FAM47C: variants seen among roughly 807,000 people sequenced by gnomAD.
The protein encoded by FAM47C is putative protein FAM47C.
For missense variants in FAM47C, 847 were observed against 879.9 expected, an observed-to-expected ratio of 0.96 and a Z score of 0.47; for synonymous variants, 307 against 346.5, an observed-to-expected ratio of 0.89 and a Z score of 1.27.
At position 37,008,719 on chromosome X, in the gene FAM47C, G is replaced by A. The variant is rs140170835; in HGVS notation, c.309G>A (p.Leu103=). 10 of 1,212,216 alleles carry A rather than the reference G, an allele frequency of 8.2e-6. No individual in the cohort carries two copies. The highest frequency in any genetic ancestry group is 1.8e-5 in the South Asian group (1 of 57,028). Residue 103 remains leucine (L), a synonymous_variant, in exon 1 of 1, where the codon CTG becomes CTA. Transcript: ENST00000358047. ...RKKKLLKKAA[L]FSKLSPAQPA... is the part of the protein sequence containing the mutation. ...AAAAGCTGCTCAAGAAAGCGGCCCT[G>A]TTTTCCAAGCTCTCGCCAGCACAGC...
chrX:37,011,115 A>G lies in FAM47C; in HGVS notation c.2705A>G (p.Glu902Gly). The stretch of plus-strand genomic sequence containing the variant: ...TCCTCAGGGCTGAAGTACAGCATGG[A>G]GCTAGACGAAATGGATGAGGTCAAA... ...ECSSGLKYSM[E>G]LDEMDEVKFF... is the part of the protein sequence containing the mutation. The change falls in exon 1 of 1, where the codon GAG becomes GGG. Residue 902 changes from glutamate to glycine, a missense_variant. Transcript: ENST00000358047. 1 of 1,211,680 alleles carries G rather than the reference A, an allele frequency of 8.3e-7. No homozygotes were observed. Among genetic ancestry groups the G allele is most frequent in the Non-Finnish European group, 1.1e-6 (1 of 895,492 alleles).
rs782501923 is a variant in FAM47C at position 37,010,882 on chromosome X, A to C, written c.2472A>C (p.Leu824=). Residue 824 remains leucine (L), a synonymous_variant, in exon 1 of 1, where the codon CTA becomes CTC. Coordinates refer to ENST00000358047, the MANE Select transcript of FAM47C (RefSeq NM_001013736.3). Reference sequence around the variant, plus strand: ...CTACCAAGACCGGAGCGTCCCATCTAAAAGAACTGTTTCAGGAAGGTACAT... The same window carrying C: ...CTACCAAGACCGGAGCGTCCCATCTCAAAGAACTGTTTCAGGAAGGTACAT... The part of the protein sequence containing the change: ...PEPTKTGASH[L]KELFQEGTSS... 8.3e-7 allele frequency: 1 copy of C among 1,210,281 alleles called. No homozygotes were observed.
rs1556332350 is a variant in FAM47C at position 37,009,788 on chromosome X, T to A, written c.1378T>A (p.Ser460Thr). 8.3e-7 allele frequency: 1 copy of A among 1,203,780 alleles called. No homozygotes were observed. Among genetic ancestry groups the A allele is most frequent in the Admixed American group, 2.2e-5 (1 of 45,343 alleles). The change falls in exon 1 of 1, where the codon TCC becomes ACC. Residue 460 changes from serine to threonine, a missense_variant. Coordinates refer to ENST00000358047, the MANE Select transcript of FAM47C (RefSeq NM_001013736.3). ...CCCAGAGCCTCCCAAGACTCGGGTG[T>A]CCAGTCTCCACCTGGAGCCTCCTGA... is the stretch of plus-strand genomic sequence containing the variant. ...LRPEPPKTRVSSLHLEPPETG... is the reference protein window; with the variant it reads ...LRPEPPKTRVTSLHLEPPETG...
At position 37,011,501 on chromosome X, in the gene FAM47C, G is replaced by A. The variant is rs1927802085; in HGVS notation, c.3091G>A (p.Ala1031Thr). ...VYKYKEDVTDASEED is the reference protein window; with the variant it reads ...VYKYKEDVTDTSEED Reference sequence around the variant, plus strand: ...CAAGTACAAAGAAGACGTCACAGATGCATCGGAAGAAGATTAGATGGTTTT... The same window carrying A: ...CAAGTACAAAGAAGACGTCACAGATACATCGGAAGAAGATTAGATGGTTTT... Residue 1031 changes from alanine (A) to threonine (T), a missense_variant, in exon 1 of 1, where the codon GCA (alanine) becomes ACA (threonine). Coordinates refer to ENST00000358047, the MANE Select transcript of FAM47C (RefSeq NM_001013736.3). The A allele has an allele frequency of 6.7e-6, 8 of 1,187,005 alleles. No individual in the cohort carries two copies. The highest frequency in any genetic ancestry group is 7.9e-6 in the Non-Finnish European group (7 of 882,426).
Position 37,008,962 on chromosome X carries a change from G to A in FAM47C, c.552G>A (p.Gly184=), listed in dbSNP as rs61730915. ...EPTEPGKYPC[G]EFSPRPPETR... ...CGGAGCCTGGTAAATACCCCTGTGGGGAATTCTCCCCTCGGCCTCCCGAGA... is the reference window on the plus strand; with the variant it reads ...CGGAGCCTGGTAAATACCCCTGTGGAGAATTCTCCCCTCGGCCTCCCGAGA... The change falls in exon 1 of 1, where the codon GGG becomes GGA. Residue 184 remains glycine (G), a synonymous_variant. Transcript: ENST00000358047. 0.01 allele frequency: 12,401 copies of A among 1,209,898 alleles called. 51 individuals are homozygous for A. Among genetic ancestry groups the A allele is most frequent in the Middle Eastern group, 0.037 (161 of 4,347 alleles).
Position 37,010,035 on chromosome X carries a change from G to A in FAM47C, c.1625G>A (p.Ser542Asn), listed in dbSNP as rs1556332619. The A allele has an allele frequency of 8.4e-7, 1 of 1,192,397 alleles. No homozygotes were observed. Residue 542 changes from serine to asparagine, a missense_variant, in exon 1 of 1, where the codon AGC becomes AAC. By Grantham distance (46) the Ser-to-Asn change is conservative (BLOSUM62 1). Transcript: ENST00000358047. Reference protein sequence around the residue: ...SSLHQAPPESSVSHLRPEPPE... With the variant: ...SSLHQAPPESNVSHLRPEPPE... The stretch of plus-strand genomic sequence containing the variant: ...CTCCACCAGGCACCTCCTGAGAGTA[G>A]CGTATCTCATCTCCGCCCAGAGCCT...
Position 37,009,826 on chromosome X carries a change from C to G in FAM47C, c.1416C>G (p.Ser472=), listed in dbSNP as rs1305190277. ...LHLEPPETGV[S]HLCPEPPEKD... is the part of the protein sequence containing the mutation. ...TGGAGCCTCCTGAGACTGGAGTGTC[C>G]CATCTCTGCCCGGAGCCTCCAGAGA... The change falls in exon 1 of 1, where the codon TCC becomes TCG. Residue 472 remains serine, a synonymous_variant. Transcript: ENST00000358047. The G allele has an allele frequency of 2.5e-6, 3 of 1,199,203 alleles. No individual in the cohort carries two copies. The highest frequency in any genetic ancestry group is 3.4e-6 in the Non-Finnish European group (3 of 891,095).
In FAM47C at chrX:37,010,698, G is replaced by T; in HGVS notation, c.2288G>T (p.Arg763Leu). Residue 763 changes from arginine (R) to leucine (L), a missense_variant, in exon 1 of 1, where the codon CGC (arginine) becomes CTC (leucine). Transcript: ENST00000358047. ...CTTGAGACTCGCGTATCTCATCTCCGCCCGGAGCCTCCTGAGACTGGAGTG... is the reference window on the plus strand; with the variant it reads ...CTTGAGACTCGCGTATCTCATCTCCTCCCGGAGCCTCCTGAGACTGGAGTG... ...EPLETRVSHL[R>L]PEPPETGVSH... 3.3e-6 allele frequency: 4 copies of T among 1,205,488 alleles called. No individual in the cohort carries two copies. Among genetic ancestry groups the T allele is most frequent in the Non-Finnish European group, 4.5e-6 (4 of 893,869 alleles).
chrX:37,009,416 A>C lies in FAM47C; in HGVS notation c.1006A>C (p.Lys336Gln). The C allele has an allele frequency of 1.7e-6, 2 of 1,205,080 alleles. No homozygotes were observed. Among genetic ancestry groups the C allele is most frequent in the Non-Finnish European group, 2.2e-6 (2 of 893,413 alleles). ...GVSHLHPEPP[K>Q]TLVSSLHPEP... ...GTCCCATCTCCACCCAGAGCCTCCCAAGACTCTGGTGTCCAGTCTCCACCC... is the reference window on the plus strand; with the variant it reads ...GTCCCATCTCCACCCAGAGCCTCCCCAGACTCTGGTGTCCAGTCTCCACCC... The change falls in exon 1 of 1, where the codon AAG becomes CAG. Residue 336 changes from lysine to glutamine, a missense_variant. Physicochemically the swap from Lys to Gln is moderately conservative, Grantham distance 53. Transcript: ENST00000358047.
Position 37,010,376 on chromosome X carries a change from C to T in FAM47C, c.1966C>T (p.Pro656Ser). 1.1e-5 allele frequency: 13 copies of T among 1,179,524 alleles called. No individual in the cohort carries two copies. The highest frequency in any genetic ancestry group is 1.5e-5 in the Non-Finnish European group (13 of 884,162). Residue 656 changes from proline (P) to serine (S), a missense_variant, in exon 1 of 1, where the codon CCA becomes TCA. Coordinates refer to ENST00000358047, the MANE Select transcript of FAM47C (RefSeq NM_001013736.3). The part of the protein sequence containing the change: ...PPNTGVSHLC[P>S]EPPKTRVSSL... The stretch of plus-strand genomic sequence containing the variant: ...CAATACTGGAGTGTCCCATCTCTGC[C>T]CAGAGCCTCCCAAGACTCGGGTGTC...
chrX:37,010,368 A>C lies in FAM47C; in HGVS notation c.1958A>C (p.His653Pro). The change falls in exon 1 of 1, where the codon CAT becomes CCT. Residue 653 changes from histidine (H) to proline (P), a missense_variant. By Grantham distance (77) the His-to-Pro change is moderately conservative. Transcript: ENST00000358047. ...RPEPPNTGVS[H>P]LCPEPPKTRV... ...GAGCCTCCCAATACTGGAGTGTCCC[A>C]TCTCTGCCCAGAGCCTCCCAAGACT... 1 of 1,172,461 alleles carries C rather than the reference A, an allele frequency of 8.5e-7. No individual in the cohort carries two copies. Among genetic ancestry groups the C allele is most frequent in the Non-Finnish European group, 1.1e-6 (1 of 882,863 alleles).
rs782058580 is a variant in FAM47C at position 37,010,126 on chromosome X, G to A, written c.1716G>A (p.Pro572=). The change falls in exon 1 of 1, where the codon CCG becomes CCA. Residue 572 remains proline, a synonymous_variant. Transcript: ENST00000358047. ...AGACTCGGATGTACAGTCTCCGCCC[G>A]GAGCCTCCCGATACTGGAGTGTCCC... ...PPKTRMYSLR[P]EPPDTGVSHL... The A allele has an allele frequency of 2.9e-4, 342 of 1,176,039 alleles. 5 individuals are homozygous for A. In the East Asian group the frequency reaches 7.3e-3, roughly 25 times the overall value.
rs148160398 is a variant in FAM47C, at chrX:37,010,086, G to C, written c.1676G>C (p.Arg559Pro). The stretch of plus-strand genomic sequence containing the variant: ...CCTGAGACTGGAGTGTCCCATCTCC[G>C]CCCAGAGCCTCCCAAGACTCGGATG... ...EPPETGVSHL[R>P]PEPPKTRMYS... The change falls in exon 1 of 1, where the codon CGC becomes CCC. Residue 559 changes from arginine (R) to proline (P), a missense_variant. Transcript: ENST00000358047. 1 of 1,185,990 alleles carries C rather than the reference G, an allele frequency of 8.4e-7. No individual in the cohort carries two copies. Among genetic ancestry groups the C allele is most frequent in the Admixed American group, 2.3e-5 (1 of 43,729 alleles).
At position 37,011,524 on chromosome X, in the gene FAM47C, T is replaced by C. The variant is rs782527841; in HGVS notation, c.*6T>C. On this transcript the variant is annotated 3_prime_UTR_variant, in exon 1 of 1. Coordinates refer to ENST00000358047, the MANE Select transcript of FAM47C (RefSeq NM_001013736.3). ...ATGCATCGGAAGAAGATTAGATGGT[T>C]TTGAATTTACTAGTTAATTGGGTAT... 1 of 1,155,555 alleles carries C rather than the reference T, an allele frequency of 8.7e-7. No homozygotes were observed. Among genetic ancestry groups the C allele is most frequent in the Non-Finnish European group, 1.2e-6 (1 of 864,967 alleles).
Position 37,008,752 on chromosome X carries a change from G to C in FAM47C, c.342G>C (p.Arg114=), listed in dbSNP as rs782180436. The change falls in exon 1 of 1, where the codon CGG becomes CGC. Residue 114 remains arginine (R), a synonymous_variant. Coordinates refer to ENST00000358047, the MANE Select transcript of FAM47C (RefSeq NM_001013736.3). The part of the protein sequence containing the change: ...FSKLSPAQPA[R]KAFVEEVEAQ... ...AGCTCTCGCCAGCACAGCCAGCACG[G>C]AAGGCGTTCGTAGAGGAAGTGGAAG... The C allele has an allele frequency of 8.3e-7, 1 of 1,211,774 alleles. No homozygotes were observed.
rs1218675804 is a variant in FAM47C at position 37,011,625 on chromosome X, G to A, written c.*107G>A. The A allele has an allele frequency of 3.5e-5, 24 of 688,613 alleles. No homozygotes were observed. The highest frequency in any genetic ancestry group is 1.1e-5 in the Non-Finnish European group (5 of 472,712). The allele number at this position is 688,613 out of a possible 1,213,427, so 56.7% of individuals were successfully genotyped here. On this transcript the variant is annotated 3_prime_UTR_variant, in exon 1 of 1. Coordinates refer to ENST00000358047, the MANE Select transcript of FAM47C (RefSeq NM_001013736.3). ...GGAATGTACAACGTTGGCAACATCT[G>A]TAAATTCAATACCTAATGTTTATAA...
rs782247630 is a variant in FAM47C, at chrX:37,009,582, G to A, written c.1172G>A (p.Arg391His). Residue 391 changes from arginine (R) to histidine (H), a missense_variant, in exon 1 of 1, where the codon CGC becomes CAC. By Grantham distance (29) the Arg-to-His change is conservative. Transcript: ENST00000358047. ...EPPKTRVPPLRPETPKNGVSP... is the reference protein window; with the variant it reads ...EPPKTRVPPLHPETPKNGVSP... ...CCCAAGACTCGCGTACCTCCTCTCCGCCCAGAGACCCCCAAGAATGGAGTG... is the reference window on the plus strand; with the variant it reads ...CCCAAGACTCGCGTACCTCCTCTCCACCCAGAGACCCCCAAGAATGGAGTG... 1 of 1,204,131 alleles carries A rather than the reference G, an allele frequency of 8.3e-7. No homozygotes were observed. Among genetic ancestry groups the A allele is most frequent in the South Asian group, 1.8e-5 (1 of 56,587 alleles).
chrX:37,010,810 C>T lies in FAM47C; in HGVS notation c.2400C>T (p.Arg800=), dbSNP rs1556333179. The change falls in exon 1 of 1, where the codon CGC becomes CGT. Residue 800 remains arginine, a synonymous_variant. Coordinates refer to ENST00000358047, the MANE Select transcript of FAM47C (RefSeq NM_001013736.3). The part of the protein sequence containing the change: ...PPKTRRVSSL[R]LEPPKTGRVS... ...AGACTCGTCGAGTGTCCAGTCTCCG[C>T]CTGGAGCCTCCCAAGACTGGTCGGG... The T allele has an allele frequency of 8.3e-7, 1 of 1,211,627 alleles. No homozygotes were observed. The highest frequency in any genetic ancestry group is 2.2e-5 in the Admixed American group (1 of 46,054).
chrX:37,011,396 A>T lies in FAM47C; in HGVS notation c.2986A>T (p.Ile996Phe). The part of the protein sequence containing the change: ...ILSKGYEMPG[I>F]IQRLFARRGW... ...AAGCAAGGGCTATGAAATGCCTGGCATCATTCAAAGGCTGTTTGCCAGGAG... is the reference window on the plus strand; with the variant it reads ...AAGCAAGGGCTATGAAATGCCTGGCTTCATTCAAAGGCTGTTTGCCAGGAG... Residue 996 changes from isoleucine to phenylalanine, a missense_variant, in exon 1 of 1, where the codon ATC becomes TTC. Coordinates refer to ENST00000358047, the MANE Select transcript of FAM47C (RefSeq NM_001013736.3). The T allele has an allele frequency of 8.2e-7, 1 of 1,212,298 alleles. No homozygotes were observed. Among genetic ancestry groups the T allele is most frequent in the Non-Finnish European group, 1.1e-6 (1 of 895,624 alleles).
Sources: allele counts gnomAD v4.1 joint callset, GRCh38; gene constraint gnomAD v4.1.1; transcripts MANE v1.5; gene names NCBI Gene and HGNC (gene_info 2026-07-23, HGNC 2026-07-21).